FGD6: variants seen among roughly 807,000 people sequenced by gnomAD.
FGD6 encodes FYVE, RhoGEF and PH domain-containing protein 6.
Under a neutral mutation model 149.4 loss-of-function variants are expected in FGD6, and 90 were observed. The observed-to-expected ratio is 0.60, with a 90% confidence interval of 0.51 to 0.72. The LOEUF (loss-of-function observed/expected upper bound fraction) is 0.72. Ranked by LOEUF, FGD6 falls within the 30% of genes least tolerant of loss-of-function variation. The pLI is 0.00. For missense variants in FGD6, 1,437 were observed against 1,684.8 expected (o/e 0.85, Z 2.57); for synonymous variants, 527 against 584.0 (o/e 0.90, Z 1.41).
Position 95,106,978 on chromosome 12 carries a change from G to T in FGD6, c.3393C>A (p.Asn1131Lys). The T allele has an allele frequency of 6.2e-7, 1 of 1,613,504 alleles. No homozygotes were observed. Among genetic ancestry groups the T allele is most frequent in the Non-Finnish European group, 8.5e-7 (1 of 1,179,588 alleles). ...PVQSGMYKLN[N>K]MLSLAGMKVR... ...CCTTCATTCCAGCCAGTGAGAGCAT[G>T]TTGTTCAGTTTATACATCCCAGACT... Residue 1131 changes from asparagine to lysine, a missense_variant, in exon 13 of 21, where the codon AAC becomes AAA. Around this residue, in one of 2 missense-constraint regions of FGD6, gnomAD observed 382 missense variants for 538.7 expected, o/e 0.71. Coordinates refer to ENST00000343958, the MANE Select transcript of FGD6 (RefSeq NM_018351.4).
rs1878910424 is a variant in FGD6 at position 95,113,681 on chromosome 12, CTA to C, written c.3101_3102del (p.Ile1034ArgfsTer25). The C allele has an allele frequency of 6.3e-7, 1 of 1,593,556 alleles. No individual in the cohort carries two copies. Among genetic ancestry groups the C allele is most frequent in the Non-Finnish European group, 8.5e-7 (1 of 1,172,014 alleles). On this transcript the variant is annotated frameshift_variant, in exon 9 of 21. Coordinates refer to ENST00000343958, the MANE Select transcript of FGD6 (RefSeq NM_018351.4). LOFTEE classifies it high-confidence loss of function. ...LLLTDYLKNLIEDAGDYRDTQ... is the reference protein window; with the variant it reads ...LLLTDYLKNLXEDAGDYRDTQ... ...GTGTCTCTGTAATCTCCAGCATCTTCTATGAGATTCTTCAAATAATCTAGAAA... is the reference window on the plus strand; with the variant it reads ...GTGTCTCTGTAATCTCCAGCATCTTCTGAGATTCTTCAAATAATCTAGAAA...
At position 95,081,675 on chromosome 12, in the gene FGD6, A is replaced by G. The variant is rs1022775337; in HGVS notation, c.4257-119T>C. 4 of 354,596 alleles carry G rather than the reference A, an allele frequency of 1.1e-5. No individual in the cohort carries two copies. In the Admixed American group the frequency reaches 2.0e-4, roughly 18 times the overall value. 22.0% of individuals were successfully genotyped at this position (354,596 alleles called of 1,614,324 possible). ...CCATAACAACATAGGTAAGATATAT[A>G]TATATATGTATTTTTTTTTTTTTTT... On this transcript the variant is annotated intron_variant, in intron 20 of 20. Coordinates refer to ENST00000343958, the MANE Select transcript of FGD6 (RefSeq NM_018351.4).
chr12:95,113,023 G>A (rs79379362), intron 9 of FGD6, among the ~76,000 whole-genome samples: 4,390 of 152,110 alleles, frequency 0.029, 124 homozygotes, highest in Middle Eastern at 0.092. Flanking sequence ...AATATGGCAC[G>A]GGCACAGAGT....
chr12:95,173,241 G>A lies in FGD6; in HGVS notation c.2442-497C>T, dbSNP rs975709201. The stretch of plus-strand genomic sequence containing the variant: ...AGGTGCAACTGTGAACATGTACCCT[G>A]CTCTATGGTTATCACTGTTCTGTTC... On this transcript the variant is annotated intron_variant, in intron 2 of 20. Transcript: ENST00000343958. Among the ~76,000 whole-genome samples, 10 of 152,172 alleles carry A rather than the reference G, an allele frequency of 6.6e-5. No homozygotes were observed. The South Asian group carries it at 1.0e-3, about 16-fold the overall frequency.
intron 3 of FGD6, among the ~76,000 whole-genome samples, chr12:95,154,697 G>C (rs6538609): frequency 2.0e-5 from 3 of 151,976 alleles, no homozygotes; most frequent in Non-Finnish European, 4.4e-5. Flanking sequence ...ACCAGGACAC[G>C]GTTATTTTGT....
intron 8 of FGD6, among the ~76,000 whole-genome samples, chr12:95,132,757 A>G (rs1052627933): frequency 4.6e-5 from 7 of 151,982 alleles, no homozygotes; most frequent in African/African-American, 1.7e-4. Context: ...TCTCAAATAA[A>G]TAAATAAATA....
At chr12:95,144,492 A>T (rs2136265419) in intron 5 of FGD6, among the ~76,000 whole-genome samples, 1 of 151,950 alleles carries the variant, frequency 6.6e-6, no homozygotes, top group Non-Finnish European at 1.5e-5. Context: ...TCCCGGGTTC[A>T]AGCAATTCTC....
intron 2 of FGD6, among the ~76,000 whole-genome samples, chr12:95,204,193 C>A (rs530083466): frequency 6.6e-6 from 1 of 152,290 alleles, no homozygotes; most frequent in East Asian, 1.9e-4. Flanking sequence ...TAAATGATGA[C>A]CTATCTGGAA....
At position 95,141,477 on chromosome 12, in the gene FGD6, C is replaced by G; in HGVS notation, c.2748G>C (p.Arg916=). The change falls in exon 6 of 21, where the codon CGG becomes CGC. Residue 916 remains arginine (R), a synonymous_variant. Coordinates refer to ENST00000343958, the MANE Select transcript of FGD6 (RefSeq NM_018351.4). ...AGTAGTATAGGATCTGATTTAGAAT[C>G]CGGTCCTCAATCACTGGTTTCCCAA... ...RQLGKPVIED[R]ILNQILYYLP... 6.2e-7 allele frequency: 1 copy of G among 1,614,112 alleles called. No individual in the cohort carries two copies. The highest frequency in any genetic ancestry group is 1.7e-5 in the Admixed American group (1 of 60,004).
intron 18 of FGD6, among the ~76,000 whole-genome samples, chr12:95,089,367 A>G (rs1214693200): frequency 6.6e-6 from 1 of 152,242 alleles, no homozygotes; most frequent in Non-Finnish European, 1.5e-5. Context: ...AAACCTTTCA[A>G]TAGCCATTTT....
chr12:95,086,521 A>G (rs1043099793), intron 18 of FGD6, among the ~76,000 whole-genome samples: 8 of 135,580 alleles, frequency 5.9e-5, no homozygotes, highest in African/African-American at 8.1e-5. Flanking sequence ...GCTTTTACTG[A>G]TTGATTTTTT....
chr12:95,139,841 T>C (rs1879792446), intron 6 of FGD6, among the ~76,000 whole-genome samples: 1 of 152,140 alleles, frequency 6.6e-6, no homozygotes. Flanking sequence ...TTTGCCATGT[T>C]GGCTAGGCTG....
chr12:95,216,486 G>A (rs1000067534), intron 1 of FGD6, among the ~76,000 whole-genome samples: 1 of 152,050 alleles, frequency 6.6e-6, no homozygotes, highest in Non-Finnish European at 1.5e-5. Context: ...TTGTAAAACA[G>A]AAATTGTTCC....
chr12:95,149,793 G>A (rs1267205193), intron 5 of FGD6, among the ~76,000 whole-genome samples: 3 of 140,554 alleles, frequency 2.1e-5, no homozygotes, highest in Non-Finnish European at 3.0e-5. Context: ...TATATTATAT[G>A]ATATATAATA....
intron 14 of FGD6, among the ~76,000 whole-genome samples, chr12:95,098,522 C>G (rs1326285728): frequency 6.6e-6 from 1 of 152,164 alleles, no homozygotes. Context: ...CATTCTTGAG[C>G]TCGTGCCACA....
chr12:95,168,573 GA>G (rs1880894438), intron 3 of FGD6, among the ~76,000 whole-genome samples: 1 of 151,602 alleles, frequency 6.6e-6, no homozygotes, highest in African/African-American at 2.4e-5. Flanking sequence ...TCAGGCAAGA[GA>G]ATCACTTGAA....
rs1877619267 is a variant in FGD6 at position 95,079,949 on chromosome 12, T to G, written c.*1571A>C. On this transcript the variant is annotated 3_prime_UTR_variant, in exon 21 of 21. Coordinates refer to ENST00000343958, the MANE Select transcript of FGD6 (RefSeq NM_018351.4). ...ATATGGATAACCTTGCTGTTCAATT[T>G]TTTTTTTTTTTTTTTTTTTGAGATG... 3 of 55,096 alleles carry G rather than the reference T, an allele frequency of 5.4e-5. No individual in the cohort carries two copies. Among genetic ancestry groups the G allele is most frequent in the Non-Finnish European group, 1.5e-4 (3 of 20,366 alleles). 3.4% of individuals were successfully genotyped at this position (55,096 alleles called of 1,614,324 possible). A position where few individuals can be genotyped will look rare whatever the true frequency, so the allele number is the denominator to read the frequency against.
intron 17 of FGD6, among the ~76,000 whole-genome samples, chr12:95,090,385 ATAGAT>A (rs1878015227): frequency 6.6e-6 from 1 of 152,198 alleles, no homozygotes; most frequent in Admixed American, 6.5e-5. Flanking sequence ...ATTTGGAAAA[ATAGAT>A]TATATCTGGC....
chr12:95,207,342 T>C (rs919706098), intron 2 of FGD6, among the ~76,000 whole-genome samples: 7 of 152,314 alleles, frequency 4.6e-5, no homozygotes, highest in Admixed American at 1.3e-4. Flanking sequence ...ATCTTTCCTT[T>C]ATAAATTACC....
Sources: gnomAD v4.1 joint callset for allele counts (sites outside exome capture counted in the v4.1 genomes callset) on GRCh38, gnomAD v4.1.1 for gene constraint, gnomAD v4.1.1 regional missense constraint, MANE v1.5 for transcripts, NCBI Gene and HGNC (gene_info 2026-07-23, HGNC 2026-07-21) for gene names.